Variants in NAV3 observed in about 807,000 individuals in gnomAD.
NAV3 encodes the protein pore membrane and/or filament interacting like protein 1.
NAV3 carries 87 observed loss-of-function variants against 244.7 expected under a neutral mutation model. The observed-to-expected ratio is 0.36, with a 90% CI of 0.30 to 0.42. The LOEUF is 0.42. NAV3 is among the 20% of genes least tolerant of loss of function. NAV3 has a pLI of 1.00. For synonymous variants in NAV3, 1,126 were observed against 1,042.2 expected (o/e 1.08, Z -1.55); for missense variants, 2,663 against 2,893.3 (o/e 0.92, Z 1.83).
chr12:77,724,858 G>A (rs1000816132), intron 2 of NAV3, among the ~76,000 whole-genome samples: 2 of 151,972 alleles, frequency 1.3e-5, no homozygotes, highest in Admixed American at 6.6e-5. Flanking sequence ...ACTTCATAAA[G>A]AAAGTTTATG....
intron 2 of NAV3, among the ~76,000 whole-genome samples, chr12:77,778,832 T>G (rs987401687): frequency 1.3e-5 from 2 of 152,204 alleles, no homozygotes; most frequent in Non-Finnish European, 2.9e-5. Context: ...ATTTATGCAA[T>G]TTGAAAAATC....
chr12:77,910,480 C>T (rs1886470365), intron 1 of NAV3, among the ~76,000 whole-genome samples: 1 of 152,210 alleles, frequency 6.6e-6, no homozygotes, highest in Non-Finnish European at 1.5e-5. Context: ...TTGGAGATCA[C>T]ATTTCAACAT....
chr12:78,185,701 A>C lies in NAV3; in HGVS notation c.5790+3A>C. ...GCAAGGGCTATGGTCGAGCAAAGGT[A>C]CTTCTTTAATCTTAAACTCTTTATT... On this transcript the variant is annotated splice_donor_region_variant and intron_variant, in intron 31 of 39. Coordinates refer to ENST00000397909, the MANE Select transcript of NAV3 (RefSeq NM_001024383.2). 1 of 1,605,744 alleles carries C rather than the reference A, an allele frequency of 6.2e-7. No homozygotes were observed. Among genetic ancestry groups the C allele is most frequent in the Non-Finnish European group, 8.5e-7 (1 of 1,175,526 alleles).
At chr12:77,914,202 T>C (rs1886899172) in intron 1 of NAV3, among the ~76,000 whole-genome samples, 1 of 152,104 alleles carries the variant, frequency 6.6e-6, no homozygotes, top group Non-Finnish European at 1.5e-5. Flanking sequence ...CATCTCACAA[T>C]CTCTTTTGCA....
intron 18 of NAV3, among the ~76,000 whole-genome samples, chr12:78,131,371 A>C (rs1183568040): frequency 6.6e-6 from 1 of 152,192 alleles, no homozygotes; most frequent in Non-Finnish European, 1.5e-5. Flanking sequence ...AATGCCAAAG[A>C]ATGTATAGCT....
intron 3 of NAV3, among the ~76,000 whole-genome samples, chr12:77,960,692 ATAAT>A (rs985035457): frequency 1.0e-4 from 15 of 147,722 alleles, no homozygotes; most frequent in South Asian, 4.2e-4. Flanking sequence ...ATAGTAATAT[ATAAT>A]TAAAGTATAT....
At chr12:77,749,817 A>G (rs535197860) in intron 2 of NAV3, among the ~76,000 whole-genome samples, 64 of 152,320 alleles carry the variant, frequency 4.2e-4, no homozygotes, top group African/African-American at 1.5e-3. Context: ...CGCTGTATAT[A>G]TCAGAGTGGG....
intron 9 of NAV3, chr12:78,037,332 G>A (rs1238927241): frequency 2.8e-6 from 2 of 702,840 alleles, no homozygotes; most frequent in Non-Finnish European, 5.2e-6. Context: ...GGATGAGGAG[G>A]TGATCCTTAC....
At chr12:77,787,645 C>G (rs1489254668) in intron 2 of NAV3, among the ~76,000 whole-genome samples, 1 of 152,152 alleles carries the variant, frequency 6.6e-6, no homozygotes, top group African/African-American at 2.4e-5. Flanking sequence ...GGAAGCTGCC[C>G]CCGTGATTCA....
At chr12:78,114,236 A>G (rs1955253343) in intron 12 of NAV3, among the ~76,000 whole-genome samples, 1 of 152,122 alleles carries the variant, frequency 6.6e-6, no homozygotes, top group Admixed American at 6.6e-5. Flanking sequence ...ACATCTTCCT[A>G]TCTTTTTCTG....
rs1359386363 is a variant in NAV3 at position 78,132,518 on chromosome 12, A to C, written c.4441+3652A>C. Among the ~76,000 whole-genome samples, 3 of 152,120 alleles carry C rather than the reference A, an allele frequency of 2.0e-5. No individual in the cohort carries two copies. The East Asian group carries it at 5.8e-4, about 29-fold the overall frequency. On this transcript the variant is annotated intron_variant, in intron 18 of 39. Coordinates refer to ENST00000397909, the MANE Select transcript of NAV3 (RefSeq NM_001024383.2). ...TCTTTCTCCTGGGGTTGCTCATCTT[A>C]ACATAGCTGTATCATTTATTGTAGA...
intron 2 of NAV3, among the ~76,000 whole-genome samples, chr12:77,779,353 T>A (rs560295772): frequency 6.6e-6 from 1 of 152,266 alleles, no homozygotes; most frequent in South Asian, 2.1e-4. Context: ...CAAAACCGAG[T>A]TCTATATAGC....
intron 2 of NAV3, among the ~76,000 whole-genome samples, chr12:77,729,860 A>G (rs1333496522): frequency 6.6e-6 from 1 of 151,964 alleles, no homozygotes; most frequent in African/African-American, 2.4e-5. Flanking sequence ...TTGATGAAAA[A>G]TCTAGATACC....
At chr12:77,993,724 G>C (rs1871839093) in intron 5 of NAV3, among the ~76,000 whole-genome samples, 2 of 152,078 alleles carry the variant, frequency 1.3e-5, no homozygotes, top group African/African-American at 4.8e-5. Flanking sequence ...CCCTCTGCTT[G>C]GCAGAGAAGC....
intron 21 of NAV3, among the ~76,000 whole-genome samples, chr12:78,148,512 A>T (rs1037325544): frequency 2.6e-5 from 4 of 152,102 alleles, no homozygotes; most frequent in Middle Eastern, 3.4e-3. Context: ...ATATTTTTCT[A>T]CAGTTTTATT....
At position 77,946,236 on chromosome 12, in the gene NAV3, C is replaced by T. The variant is rs555690368; in HGVS notation, c.414+5103C>T. ...ACACATATATGTGTAAATATATGTG[C>T]GTATGTGTGTGTGTGTGTGTGTGCG... On this transcript the variant is annotated intron_variant, in intron 3 of 39. Coordinates refer to ENST00000397909, the MANE Select transcript of NAV3 (RefSeq NM_001024383.2). 1.9e-3 allele frequency among the ~76,000 whole-genome samples: 228 copies of T among 117,444 alleles called. 4 individuals carry two copies. In the East Asian group the frequency reaches 0.057, roughly 29 times the overall value. The allele number at this position is 117,444 out of a possible 152,430, so 77.0% of individuals were successfully genotyped here.
chr12:78,162,046 T>C (rs1957565049), intron 23 of NAV3, among the ~76,000 whole-genome samples: 1 of 152,132 alleles, frequency 6.6e-6, no homozygotes. Flanking sequence ...AGGAGAAAAC[T>C]CTTTGGCACT....
chr12:77,889,548 T>A (rs1386844915), intron 1 of NAV3, among the ~76,000 whole-genome samples: 1 of 152,236 alleles, frequency 6.6e-6, no homozygotes, highest in Non-Finnish European at 1.5e-5. Flanking sequence ...CTAAGTTAAT[T>A]CAATAATAAC....
chr12:78,024,120 A>G (rs1877603106), intron 9 of NAV3, among the ~76,000 whole-genome samples: 1 of 152,006 alleles, frequency 6.6e-6, no homozygotes, highest in Admixed American at 6.6e-5. Flanking sequence ...ACCACTTTTT[A>G]CCGTTCTTCA....
Sources: gnomAD v4.1 joint callset for allele counts (sites outside exome capture counted in the v4.1 genomes callset) on GRCh38, gnomAD v4.1.1 for gene constraint, MANE v1.5 for transcripts, NCBI Gene and HGNC (gene_info 2026-07-23, HGNC 2026-07-21) for gene names.